MEAK7: variants seen among roughly 807,000 people sequenced by gnomAD.
The protein encoded by MEAK7 is MTOR associated protein MEAK7, also known as MTOR-associated protein MEAK7.
MEAK7 carries 68 observed loss-of-function variants against 40.5 expected under a neutral mutation model. The ratio of observed to expected loss-of-function variants is 1.68; its 90% CI spans 1.38 to 2.06. The LOEUF (loss-of-function observed/expected upper bound fraction) is 2.06, where lower values mean the gene tolerates loss of function less well. Among genes scored for constraint, MEAK7 ranks in the 30% most tolerant of loss-of-function variants. The pLI is 0.00. For synonymous variants in MEAK7, 338 were observed against 231.9 expected (o/e 1.46, Z -4.16); for missense variants, 918 against 580.5 (o/e 1.58, Z -5.98).
At chr16:84,483,648 C>CA (rs1491191167) in intron 5 of MEAK7, among the ~76,000 whole-genome samples, 2 of 152,206 alleles carry the variant, frequency 1.3e-5, no homozygotes, top group Non-Finnish European at 2.9e-5. Context: ...CAACAGGGCT[C>CA]AGTCTGTAGA....
In MEAK7 at chr16:84,477,302, C is replaced by A; in HGVS notation, c.*2611G>T. ...TGCCTCCCTGGTTCAAGCAATTCTA[C>A]TACCTCAGCCTCCTGAGTAGCTGAG... is the stretch of plus-strand genomic sequence containing the variant. On this transcript the variant is annotated 3_prime_UTR_variant, in exon 8 of 8. Transcript: ENST00000343629. The A allele has an allele frequency of 6.6e-6, 1 of 152,478 alleles. No individual in the cohort carries two copies. 9.4% of individuals were successfully genotyped at this position (152,478 alleles called of 1,614,324 possible).
intron 6 of MEAK7, 94 bp from the exon 7 acceptor site, chr16:84,480,802 A>C: frequency 7.2e-7 from 1 of 1,381,662 alleles, no homozygotes; most frequent in Non-Finnish European, 9.7e-7. Context: ...CTTAAGTACC[A>C]GCCTGAGACA....
chr16:84,500,445 C>T lies in MEAK7; in HGVS notation c.-25-2334G>A, dbSNP rs143857837. On this transcript the variant is annotated intron_variant, in intron 1 of 7. Transcript: ENST00000343629. ...CCATCTATCCACACCCCCACTAAAG[C>T]GAGTTATTTCTCCGCCTTTTATATG... is the stretch of plus-strand genomic sequence containing the variant. Among the ~76,000 whole-genome samples, 458 of 152,312 alleles carry T rather than the reference C, an allele frequency of 3.0e-3. 4 individuals are homozygous for T. The highest frequency in any genetic ancestry group is 0.011 in the African/African-American group (444 of 41,558).
At chr16:84,495,303 T>A (rs1466711066) in intron 3 of MEAK7, among the ~76,000 whole-genome samples, 1 of 152,122 alleles carries the variant, frequency 6.6e-6, no homozygotes, top group Admixed American at 6.5e-5. Flanking sequence ...TCTCCACAGG[T>A]AGTGACTATG....
In MEAK7 at chr16:84,486,684, T is replaced by A. The variant is rs758146257; in HGVS notation, c.905A>T (p.His302Leu). 1 of 1,613,956 alleles carries A rather than the reference T, an allele frequency of 6.2e-7. No homozygotes were observed. The highest frequency in any genetic ancestry group is 8.5e-7 in the Non-Finnish European group (1 of 1,180,000). Residue 302 changes from histidine to leucine, a missense_variant, in exon 5 of 8, where the codon CAT becomes CTT. Coordinates refer to ENST00000343629, the MANE Select transcript of MEAK7 (RefSeq NM_020947.4). ...GCAAGAGGCAAACCCACCGAACACA[T>A]GCTTGTCATGGTCCTCGAGGACAGC... ...CVAVLEDHDK[H>L]VFGGFASCSW...
intron 6 of MEAK7, among the ~76,000 whole-genome samples, chr16:84,482,203 G>C (rs1912619079): frequency 1.3e-5 from 2 of 152,188 alleles, no homozygotes; most frequent in Admixed American, 1.3e-4. Context: ...TGTCTCATGA[G>C]CTGCCGGCCG....
At position 84,495,813 on chromosome 16, in the gene MEAK7, T is replaced by G; in HGVS notation, c.254A>C (p.Asn85Thr). 6.2e-7 allele frequency: 1 copy of G among 1,614,056 alleles called. No individual in the cohort carries two copies. The highest frequency in any genetic ancestry group is 1.1e-5 in the South Asian group (1 of 91,076). ...LTGKAKGPSE[N>T]VSQEQFTASM... The stretch of plus-strand genomic sequence containing the variant: ...TGCTGTGAACTGCTCCTGGGACACG[T>G]TCTCACTGGGTCCCTTCGCCTTCCC... Residue 85 changes from asparagine (N) to threonine (T), a missense_variant, in exon 3 of 8, where the codon AAC becomes ACC. Transcript: ENST00000343629.
chr16:84,481,891 G>A (rs1305128236), intron 6 of MEAK7, among the ~76,000 whole-genome samples: 4 of 152,054 alleles, frequency 2.6e-5, no homozygotes, highest in Middle Eastern at 3.2e-3. Flanking sequence ...CCGAGATCGC[G>A]CCACTGCACT....
At chr16:84,487,415 T>G (rs959798937) in intron 4 of MEAK7, 5 of 204,458 alleles carry the variant, frequency 2.4e-5, no homozygotes, top group Non-Finnish European at 4.0e-5. Flanking sequence ...TGGCCAGCAC[T>G]GATCTAAACA....
rs1912234219 is a variant in MEAK7, at chr16:84,478,554, T to C, written c.*1359A>G. The C allele has an allele frequency of 6.6e-6, 1 of 152,210 alleles. No individual in the cohort carries two copies. The highest frequency in any genetic ancestry group is 6.5e-5 in the Admixed American group (1 of 15,286). 9.4% of individuals were successfully genotyped at this position (152,210 alleles called of 1,614,324 possible). On this transcript the variant is annotated 3_prime_UTR_variant, in exon 8 of 8. Transcript: ENST00000343629. ...CAGCAAAAGACAAAAGGAAGAGGTA[T>C]ATATCTTAGAGACAAGCTCACAGCA...
chr16:84,482,649 G>A lies in MEAK7; in HGVS notation c.1020C>T (p.Gly340=). 2 of 1,614,254 alleles carry A rather than the reference G, an allele frequency of 1.2e-6. No homozygotes were observed. The highest frequency in any genetic ancestry group is 1.7e-6 in the Non-Finnish European group (2 of 1,180,052). Residue 340 remains glycine, a synonymous_variant, in exon 6 of 8, where the codon GGC becomes GGT. Coordinates refer to ENST00000343629, the MANE Select transcript of MEAK7 (RefSeq NM_020947.4). ...CPSMAVYTHT[G]YNDHYMYLNH... ...TCAAGTACATGTAGTGGTCGTTGTA[G>A]CCCGTGTGTGTGTACACAGCCATGC...
intron 2 of MEAK7, 63 bp from the exon 3 acceptor site, chr16:84,495,976 G>A: frequency 6.4e-7 from 1 of 1,566,092 alleles, no homozygotes; most frequent in East Asian, 2.2e-5. Flanking sequence ...GTTACTAGGA[G>A]TTATTATTTT....
intron 1 of MEAK7, among the ~76,000 whole-genome samples, chr16:84,501,126 G>C (rs1470885961): frequency 8.8e-6 from 1 of 114,114 alleles, no homozygotes; most frequent in Non-Finnish European, 2.1e-5. Context: ...AAAAAAAAAA[G>C]AGGGGAAACA....
In MEAK7 at chr16:84,498,127, A is replaced by G. The variant is rs1166241061; in HGVS notation, c.-25-16T>C. The G allele has an allele frequency of 1.3e-6, 2 of 1,543,984 alleles. No individual in the cohort carries two copies. Among genetic ancestry groups the G allele is most frequent in the Non-Finnish European group, 1.7e-6 (2 of 1,149,944 alleles). ...GCAGAATTCTCTGCAGAAGGAAAAG[A>G]CACAACATTAGAAAAATCAAAATTT... On this transcript the variant is annotated splice_polypyrimidine_tract_variant and intron_variant, in intron 1 of 7. Coordinates refer to ENST00000343629, the MANE Select transcript of MEAK7 (RefSeq NM_020947.4).
Position 84,477,190 on chromosome 16 carries a change from C to G in MEAK7, c.*2723G>C, listed in dbSNP as rs1008139967. ...GATTACAGGCGTGAGCCATCACACC[C>G]AGCCTTTTTTTTTTTCTTGAAACGG... On this transcript the variant is annotated 3_prime_UTR_variant, in exon 8 of 8. Transcript: ENST00000343629. 1 of 152,744 alleles carries G rather than the reference C, an allele frequency of 6.5e-6. No homozygotes were observed. Among genetic ancestry groups the G allele is most frequent in the African/African-American group, 2.4e-5 (1 of 41,412 alleles). 9.5% of individuals were successfully genotyped at this position (152,744 alleles called of 1,614,324 possible).
intron 3 of MEAK7, among the ~76,000 whole-genome samples, chr16:84,493,165 G>A (rs1913767696): frequency 6.6e-6 from 1 of 152,202 alleles, no homozygotes; most frequent in Non-Finnish European, 1.5e-5. Context: ...TATGTTATCA[G>A]TAGTAATTAC....
At chr16:84,504,163 T>G in intron 1 of MEAK7, 1 of 985,572 alleles carries the variant, frequency 1.0e-6, no homozygotes, top group African/African-American at 1.7e-5. Context: ...AAAGCCCAGA[T>G]GGGTGTGGTC....
chr16:84,482,213 G>A (rs1344031161), intron 6 of MEAK7, among the ~76,000 whole-genome samples: 8 of 152,300 alleles, frequency 5.3e-5, no homozygotes, highest in Middle Eastern at 3.4e-3. Flanking sequence ...GCTGCCGGCC[G>A]TCCATTCCCC....
rs993120679 is a variant in MEAK7, at chr16:84,504,621, T to TGTCCG, written c.-51_-47dup. On this transcript the variant is annotated 5_prime_UTR_variant, in exon 1 of 8. Transcript: ENST00000343629. ...CCTACCCTGCCGGGCTTCCTGGTGC[T>TGTCCG]GTCCGGTCCGGTCCAGCAGCCCACG... The TGTCCG allele has an allele frequency of 6.1e-6, 6 of 985,498 alleles. No individual in the cohort carries two copies. The highest frequency in any genetic ancestry group is 5.2e-5 in the African/African-American group (3 of 57,246). The allele number at this position is 985,498 out of a possible 1,614,324, so 61.0% of individuals were successfully genotyped here.
Sources: allele counts gnomAD v4.1 joint callset (sites outside exome capture counted in the v4.1 genomes callset), GRCh38; gene constraint gnomAD v4.1.1; transcripts MANE v1.5; gene names NCBI Gene and HGNC (gene_info 2026-07-23, HGNC 2026-07-21).